Variants in BCL2L13 observed in about 807,000 individuals in gnomAD.
BCL2L13 encodes the protein BCL2 like 13.
A neutral mutation model predicts 25.8 loss-of-function variants in BCL2L13; 13 were observed. The observed-to-expected ratio is 0.50, with a 90% confidence interval of 0.33 to 0.80. BCL2L13 has a LOEUF of 0.80. Ranked by LOEUF, BCL2L13 falls within the 30% of genes least tolerant of loss-of-function variation. The pLI, the probability that BCL2L13 is intolerant of heterozygous loss-of-function variation, is 0.02. For synonymous variants in BCL2L13, 244 were observed against 230.3 expected (o/e 1.06, Z -0.54); for missense variants, 504 against 574.9 (o/e 0.88, Z 1.26).
At chr22:17,657,024 T>G (rs1179939150) in intron 2 of BCL2L13, among the ~76,000 whole-genome samples, 18 of 152,140 alleles carry the variant, frequency 1.2e-4, no homozygotes, top group Non-Finnish European at 5.9e-5. Context: ...TCACCCTGTT[T>G]CCCAGGCTGA....
rs5992807 is a variant in BCL2L13 at position 17,728,056 on chromosome 22, C to G, written c.*522C>G. The G allele has an allele frequency of 0.058, 9,348 of 162,388 alleles. 539 individuals carry two copies. Among genetic ancestry groups the G allele is most frequent in the African/African-American group, 0.16 (6,740 of 41,676 alleles). 10.1% of individuals were successfully genotyped at this position (162,388 alleles called of 1,614,324 possible). A position where few individuals can be genotyped will look rare whatever the true frequency, so the allele number is the denominator to read the frequency against. On this transcript the variant is annotated 3_prime_UTR_variant, in exon 7 of 7. Coordinates refer to ENST00000317582, the MANE Select transcript of BCL2L13 (RefSeq NM_015367.4). ...CTGTGGGCTCCTCAGCTACTGACTT[C>G]TTAGCTCTTAATCCCCTTAGAATTT...
chr22:17,700,847 C>CTTT (rs1279890336), intron 5 of BCL2L13, among the ~76,000 whole-genome samples: 2 of 152,166 alleles, frequency 1.3e-5, no homozygotes, highest in Non-Finnish European at 2.9e-5. Context: ...CCCAGGGCTG[C>CTTT]TTTCTCTTCG....
intron 6 of BCL2L13, chr22:17,706,672 C>T: frequency 7.6e-7 from 1 of 1,318,274 alleles, no homozygotes; most frequent in Non-Finnish European, 1.0e-6. Context: ...ATTTGCCCTG[C>T]AGCCCGGTGA....
At chr22:17,646,460 G>C (rs559749345) in intron 1 of BCL2L13, among the ~76,000 whole-genome samples, 2 of 151,020 alleles carry the variant, frequency 1.3e-5, no homozygotes, top group Admixed American at 6.6e-5. Context: ...TATTGGTCAA[G>C]CTGGTCTCAA....
At chr22:17,696,654 C>T (rs1412980246) in intron 5 of BCL2L13, among the ~76,000 whole-genome samples, 1 of 152,118 alleles carries the variant, frequency 6.6e-6, no homozygotes, top group Non-Finnish European at 1.5e-5. Flanking sequence ...TCCCAACCAT[C>T]CTTTGCAGAA....
intron 6 of BCL2L13, among the ~76,000 whole-genome samples, chr22:17,721,851 G>C (rs1017462936): frequency 2.0e-5 from 3 of 151,546 alleles, no homozygotes; most frequent in South Asian, 2.1e-4. Context: ...TAGTAGAGAC[G>C]GGGTTTCACC....
chr22:17,711,300 G>T (rs1601754987), intron 6 of BCL2L13, among the ~76,000 whole-genome samples: 1 of 107,618 alleles, frequency 9.3e-6, no homozygotes, highest in South Asian at 2.4e-4. Context: ...TCTTCATGAT[G>T]GGCCTTTTTT....
intron 4 of BCL2L13, among the ~76,000 whole-genome samples, chr22:17,695,463 A>T (rs1026648331): frequency 6.6e-6 from 1 of 152,024 alleles, no homozygotes; most frequent in African/African-American, 2.4e-5. Context: ...CTGGGACTAC[A>T]GGCACACACC....
chr22:17,663,145 A>ACTTT (rs2059126342), intron 2 of BCL2L13, among the ~76,000 whole-genome samples: 1 of 152,178 alleles, frequency 6.6e-6, no homozygotes, highest in African/African-American at 2.4e-5. Context: ...TGCTGGGATT[A>ACTTT]CAGGCGTGAG....
rs534622222 is a variant in BCL2L13 at position 17,643,860 on chromosome 22, T to A, written c.-51+4974T>A. Among the ~76,000 whole-genome samples, 212 of 150,616 alleles carry A rather than the reference T, an allele frequency of 1.4e-3. 1 individual carries two copies. The highest frequency in any genetic ancestry group is 4.7e-3 in the African/African-American group (194 of 40,932). On this transcript the variant is annotated intron_variant, in intron 1 of 6. Coordinates refer to ENST00000317582, the MANE Select transcript of BCL2L13 (RefSeq NM_015367.4). ...GATCTCCTGATCTTGTGATCCGCCC[T>A]CCTTGGCTTCCCAAAGTGCTGGGAT...
chr22:17,706,609 TCCCTCTCC>T, intron 6 of BCL2L13: 1 of 1,120,812 alleles, frequency 8.9e-7, no homozygotes, highest in East Asian at 5.8e-5. Context: ...GTGGTTTTTT[TCCCTCTCC>T]TTAAGTCTGA....
At chr22:17,716,377 T>C (rs1466024646) in intron 6 of BCL2L13, among the ~76,000 whole-genome samples, 2 of 152,102 alleles carry the variant, frequency 1.3e-5, no homozygotes, top group Non-Finnish European at 2.9e-5. Context: ...CCTTTTCTGC[T>C]CCCCTAAAAT....
At chr22:17,706,789 G>C (rs529544188) in intron 6 of BCL2L13, 2 of 1,352,058 alleles carry the variant, frequency 1.5e-6, no homozygotes, top group African/African-American at 1.5e-5. Flanking sequence ...TTAGAAGTCT[G>C]TCTGTCTCCT....
intron 3 of BCL2L13, among the ~76,000 whole-genome samples, chr22:17,687,678 A>G (rs2059984501): frequency 2.0e-5 from 3 of 151,894 alleles, no homozygotes; most frequent in Admixed American, 2.0e-4. Flanking sequence ...CACCAGGCCC[A>G]GCTAATTTTT....
rs368523128 is a variant in BCL2L13 at position 17,664,141 on chromosome 22, G to A, written c.121+8309G>A. Among the ~76,000 whole-genome samples, 15 of 152,164 alleles carry A rather than the reference G, an allele frequency of 9.9e-5. No homozygotes were observed. The East Asian group carries it at 1.2e-3, about 12-fold the overall frequency. On this transcript the variant is annotated intron_variant, in intron 2 of 6. Transcript: ENST00000317582. ...TGGGATTACAGGTGTGAGCCACCGCGCCCAGCCATTTTTTTGTGTTTTTAG... is the reference window on the plus strand; with the variant it reads ...TGGGATTACAGGTGTGAGCCACCGCACCCAGCCATTTTTTTGTGTTTTTAG...
intron 1 of BCL2L13, among the ~76,000 whole-genome samples, chr22:17,650,237 T>C (rs942988148): frequency 1.1e-4 from 17 of 152,306 alleles, no homozygotes; most frequent in Admixed American, 1.0e-3. Flanking sequence ...TGCCTTCTTA[T>C]TGAAGTGCCT....
At chr22:17,655,543 T>G in intron 1 of BCL2L13, 119 bp from the exon 2 acceptor site, 1 of 701,168 alleles carries the variant, frequency 1.4e-6, no homozygotes, top group Non-Finnish European at 2.1e-6. Context: ...CACTCCTGCC[T>G]GAGCGACAAG....
chr22:17,721,456 G>C (rs1313927898), intron 6 of BCL2L13, among the ~76,000 whole-genome samples: 2 of 149,552 alleles, frequency 1.3e-5, no homozygotes, highest in African/African-American at 4.9e-5. Flanking sequence ...CTTCAGCGTG[G>C]TTAAAAAAAT....
At position 17,659,350 on chromosome 22, in the gene BCL2L13, C is replaced by T. The variant is rs182928654; in HGVS notation, c.121+3518C>T. Among the ~76,000 whole-genome samples the T allele has an allele frequency of 2.3e-4, 34 of 145,762 alleles. 6 individuals are homozygous for T. Among genetic ancestry groups the T allele is most frequent in the Middle Eastern group, 7.3e-3 (2 of 274 alleles). Reference sequence around the variant, plus strand: ...TTGCACTTCAGCCTGGGTGACAGAGCGAGACTTCGTCTCAAAAAACAAACA... The same window carrying T: ...TTGCACTTCAGCCTGGGTGACAGAGTGAGACTTCGTCTCAAAAAACAAACA... On this transcript the variant is annotated intron_variant, in intron 2 of 6. Coordinates refer to ENST00000317582, the MANE Select transcript of BCL2L13 (RefSeq NM_015367.4).
Sources: allele counts gnomAD v4.1 joint callset (sites outside exome capture counted in the v4.1 genomes callset), GRCh38; gene constraint gnomAD v4.1.1; transcripts MANE v1.5; gene names NCBI Gene and HGNC (gene_info 2026-07-23, HGNC 2026-07-21).